FRAT1: variants seen among roughly 807,000 people sequenced by gnomAD.
FRAT1 encodes FRAT regulator of Wnt signaling pathway 1, also known as proto-oncogene FRAT1.
In FRAT1, 9 loss-of-function variants were observed where a neutral mutation model predicts 16.9. The observed-to-expected ratio is 0.53, with a 90% CI of 0.32 to 0.93. The LOEUF (loss-of-function observed/expected upper bound fraction) is 0.93, where lower values mean the gene tolerates loss of function less well. FRAT1 is among the 40% of genes least tolerant of loss of function. The pLI is 0.04. For missense variants in FRAT1, 354 were observed against 402.8 expected (o/e 0.88, Z 1.04); for synonymous variants, 191 against 202.1 (o/e 0.95, Z 0.46).
At position 97,320,392 on chromosome 10, in the gene FRAT1, T is replaced by G; in HGVS notation, c.*99T>G. On this transcript the variant is annotated 3_prime_UTR_variant, in exon 1 of 1. Transcript: ENST00000371021. ...CAGGCTGGTGGAGAACTCTGGCTTT[T>G]GGAAGCGAGAGTAAAAAGCTAATGA... The G allele has an allele frequency of 1.7e-6, 2 of 1,194,342 alleles. No homozygotes were observed. The highest frequency in any genetic ancestry group is 2.3e-6 in the Non-Finnish European group (2 of 878,794). 74.0% of individuals were successfully genotyped at this position (1,194,342 alleles called of 1,614,324 possible).
At position 97,320,903 on chromosome 10, in the gene FRAT1, CTCTCT is replaced by C. The variant is rs1328166626; in HGVS notation, c.*615_*619del. 1 of 166,248 alleles carries C rather than the reference CTCTCT, an allele frequency of 6.0e-6. No individual in the cohort carries two copies. The highest frequency in any genetic ancestry group is 1.5e-5 in the Non-Finnish European group (1 of 68,096). The allele number at this position is 166,248 out of a possible 1,614,324, so 10.3% of individuals were successfully genotyped here. On this transcript the variant is annotated 3_prime_UTR_variant, in exon 1 of 1. Transcript: ENST00000371021. The stretch of plus-strand genomic sequence containing the variant: ...ACCCCTGCGCTCTCTTTGCAACTGT[CTCTCT>C]TCTCAGAGTGGTGGGGGAAGGCTGT...
At position 97,319,610 on chromosome 10, in the gene FRAT1, C is replaced by CT; in HGVS notation, c.158dup (p.Asp54GlyfsTer97). On this transcript the variant is annotated frameshift_variant, in exon 1 of 1. Transcript: ENST00000371021. LOFTEE classifies it high-confidence loss of function. ...GGCCCAGATCGGCGAGACGCTGCAG[C>CT]TGGACGCGGCGCAGCACAGCCCGGC... 1 of 1,435,746 alleles carries CT rather than the reference C, an allele frequency of 7.0e-7. No homozygotes were observed. The highest frequency in any genetic ancestry group is 9.2e-7 in the Non-Finnish European group (1 of 1,092,866). The allele number at this position is 1,435,746 out of a possible 1,614,324, so 88.9% of individuals were successfully genotyped here.
rs11189129 is a variant in FRAT1 at position 97,321,360 on chromosome 10, G to A, written c.*1067G>A. On this transcript the variant is annotated 3_prime_UTR_variant, in exon 1 of 1. Coordinates refer to ENST00000371021, the MANE Select transcript of FRAT1 (RefSeq NM_005479.4). ...CAAGCGGGTGGCTCTGGGATCCTGG[G>A]GGCCTGGGTTGGGGGCTAGGGAGAC... The A allele has an allele frequency of 0.043, 7,229 of 167,472 alleles. 247 individuals are homozygous for A. The highest frequency in any genetic ancestry group is 0.063 in the Non-Finnish European group (4,304 of 68,366). The allele number at this position is 167,472 out of a possible 1,614,324, so 10.4% of individuals were successfully genotyped here. A position where few individuals can be genotyped will look rare whatever the true frequency, so the allele number is the denominator to read the frequency against.
In FRAT1 at chr10:97,319,559, A is replaced by G; in HGVS notation, c.106A>G (p.Ser36Gly). 6.8e-7 allele frequency: 1 copy of G among 1,468,186 alleles called. No individual in the cohort carries two copies. The highest frequency in any genetic ancestry group is 9.0e-7 in the Non-Finnish European group (1 of 1,111,592). The allele number at this position is 1,468,186 out of a possible 1,614,324, so 90.9% of individuals were successfully genotyped here. ...ACTGCAGCAGTCAGTGGCGCTGGGC[A>G]GCTCGGGCGAGGTGGACCGGCTGGT... ...LLLQQSVALG[S>G]SGEVDRLVAQ... The change falls in exon 1 of 1, where the codon AGC becomes GGC. Residue 36 changes from serine (S) to glycine (G), a missense_variant. Physicochemically the swap from Ser to Gly is moderately conservative, Grantham distance 56. Around this residue, in one of 3 missense-constraint regions of FRAT1, gnomAD observed 22 missense variants for 54.1 expected, o/e 0.41. Transcript: ENST00000371021.
rs538127991 is a variant in FRAT1, at chr10:97,321,295, C to T, written c.*1002C>T. ...TTCACGGAAACTCCCGAGACCGGGC[C>T]CTGGGTTCCTCCTCTCCTACTCGGC... On this transcript the variant is annotated 3_prime_UTR_variant, in exon 1 of 1. Transcript: ENST00000371021. 2.4e-5 allele frequency: 4 copies of T among 167,136 alleles called. No individual in the cohort carries two copies. The highest frequency in any genetic ancestry group is 9.6e-5 in the African/African-American group (4 of 41,554). 10.4% of individuals were successfully genotyped at this position (167,136 alleles called of 1,614,324 possible). A position where few individuals can be genotyped will look rare whatever the true frequency, so the allele number is the denominator to read the frequency against.
At position 97,320,228 on chromosome 10, in the gene FRAT1, G is replaced by A. The variant is rs773424074; in HGVS notation, c.775G>A (p.Asp259Asn). The change falls in exon 1 of 1, where the codon GAC becomes AAC. Residue 259 changes from aspartate (D) to asparagine (N), a missense_variant. By Grantham distance (23) the Asp-to-Asn change is conservative. Around this residue, in one of 3 missense-constraint regions of FRAT1, gnomAD observed 286 missense variants for 311.0 expected, o/e 0.92. Coordinates refer to ENST00000371021, the MANE Select transcript of FRAT1 (RefSeq NM_005479.4). ...TCGCAGCCCTCGCGCGGCCTGCAGT[G>A]ACCCTGGCGCCTCCGGGAGGGCGCA... ...SPRSPRAACS[D>N]PGASGRAQLR... 3.1e-6 allele frequency: 5 copies of A among 1,605,234 alleles called. No homozygotes were observed. In the African/African-American group the frequency reaches 5.4e-5, roughly 17 times the overall value.
chr10:97,319,959 G>C lies in FRAT1; in HGVS notation c.506G>C (p.Arg169Pro). 6.5e-7 allele frequency: 1 copy of C among 1,540,236 alleles called. No individual in the cohort carries two copies. ...GIPQPLSGPC[R>P]RGWLRGAAAS... Reference sequence around the variant, plus strand: ...CCGCAGCCGCTGTCGGGTCCGTGCCGGCGAGGATGGCTCCGGGGCGCCGCC... The same window carrying C: ...CCGCAGCCGCTGTCGGGTCCGTGCCCGCGAGGATGGCTCCGGGGCGCCGCC... Residue 169 changes from arginine (R) to proline (P), a missense_variant, in exon 1 of 1, where the codon CGG becomes CCG. Transcript: ENST00000371021.
rs1249106286 is a variant in FRAT1 at position 97,320,646 on chromosome 10, G to A, written c.*353G>A. The A allele has an allele frequency of 3.7e-6, 1 of 271,472 alleles. No homozygotes were observed. 16.8% of individuals were successfully genotyped at this position (271,472 alleles called of 1,614,324 possible). ...CCGCGACCATGTGGCCACAATCCAC[G>A]CTTCTCCGGATCGCGGTGCGCCGGA... On this transcript the variant is annotated 3_prime_UTR_variant, in exon 1 of 1. Coordinates refer to ENST00000371021, the MANE Select transcript of FRAT1 (RefSeq NM_005479.4).
Position 97,320,298 on chromosome 10 carries a change from C to G in FRAT1, c.*5C>G, listed in dbSNP as rs960976243. ...GTTCTTGTGCCTGGCAGCTAACACG[C>G]CCGGGGTGGCCACAGCGCCAGCCTC... is the stretch of plus-strand genomic sequence containing the variant. On this transcript the variant is annotated 3_prime_UTR_variant, in exon 1 of 1. Coordinates refer to ENST00000371021, the MANE Select transcript of FRAT1 (RefSeq NM_005479.4). The G allele has an allele frequency of 7.1e-6, 11 of 1,556,788 alleles. 1 individual carries two copies. The Admixed American group carries it at 2.1e-4, about 30-fold the overall frequency.
At position 97,320,012 on chromosome 10, in the gene FRAT1, G is replaced by T; in HGVS notation, c.559G>T (p.Gly187Trp). The change falls in exon 1 of 1, where the codon GGG becomes TGG. Residue 187 changes from glycine to tryptophan, a missense_variant. Gly to Trp is a radical substitution (Grantham distance 184). Transcript: ENST00000371021. Reference protein sequence around the residue: ...AASRRLQQRRGSQPETRTGDD... With the variant: ...AASRRLQQRRWSQPETRTGDD... Reference sequence around the variant, plus strand: ...CTCCCGCCGCCTGCAGCAGCGACGCGGGTCCCAACCAGAAACCCGCACAGG... The same window carrying T: ...CTCCCGCCGCCTGCAGCAGCGACGCTGGTCCCAACCAGAAACCCGCACAGG... 6.4e-7 allele frequency: 1 copy of T among 1,557,484 alleles called. No individual in the cohort carries two copies. Among genetic ancestry groups the T allele is most frequent in the Non-Finnish European group, 8.7e-7 (1 of 1,151,744 alleles).
At position 97,319,867 on chromosome 10, in the gene FRAT1, C is replaced by A; in HGVS notation, c.414C>A (p.Ser138Arg). ...TGGCCGAGCTCGCCACAGGCCCCAG[C>A]GCGCTGTCCCCACTGCCCCCTCAGG... ...YCVAELATGP[S>R]ALSPLPPQAD... Residue 138 changes from serine to arginine, a missense_variant, in exon 1 of 1, where the codon AGC (serine) becomes AGA (arginine). Ser to Arg is a moderately radical substitution (Grantham distance 110). Coordinates refer to ENST00000371021, the MANE Select transcript of FRAT1 (RefSeq NM_005479.4). The A allele has an allele frequency of 2.0e-6, 3 of 1,517,300 alleles. No individual in the cohort carries two copies. The highest frequency in any genetic ancestry group is 2.6e-6 in the Non-Finnish European group (3 of 1,140,404). The allele number at this position is 1,517,300 out of a possible 1,614,324, so 94.0% of individuals were successfully genotyped here.
In FRAT1 at chr10:97,319,524, G is replaced by C; in HGVS notation, c.71G>C (p.Ser24Thr). ...GAGGGGGAGGAAGAGGAGGAGGACA[G>C]CTTCCTCCTACTGCAGCAGTCAGTG... ...EAEGEEEEED[S>T]FLLLQQSVAL... is the part of the protein sequence containing the mutation. The change falls in exon 1 of 1, where the codon AGC becomes ACC. Residue 24 changes from serine to threonine, a missense_variant. By Grantham distance (58) the Ser-to-Thr change is moderately conservative (BLOSUM62 1). Transcript: ENST00000371021. The C allele has an allele frequency of 6.8e-7, 1 of 1,478,788 alleles. No homozygotes were observed. Among genetic ancestry groups the C allele is most frequent in the Non-Finnish European group, 8.9e-7 (1 of 1,117,966 alleles). The allele number at this position is 1,478,788 out of a possible 1,614,324, so 91.6% of individuals were successfully genotyped here.
rs1272622212 is a variant in FRAT1, at chr10:97,320,565, A to T, written c.*272A>T. The T allele has an allele frequency of 2.4e-6, 1 of 416,074 alleles. No homozygotes were observed. Among genetic ancestry groups the T allele is most frequent in the Admixed American group, 4.5e-5 (1 of 22,074 alleles). 25.8% of individuals were successfully genotyped at this position (416,074 alleles called of 1,614,324 possible). On this transcript the variant is annotated 3_prime_UTR_variant, in exon 1 of 1. Coordinates refer to ENST00000371021, the MANE Select transcript of FRAT1 (RefSeq NM_005479.4). ...TCAGTAGGACTCCTTATTTGGCGTG[A>T]CCCGACCTGGCCGCGGAGCCTGCAT...
Position 97,319,834 on chromosome 10 carries a change from C to G in FRAT1, c.381C>G (p.Pro127=). ...DRGRVRGRAA[P]YCVAELATGP... ...GCCGCGTGCGGGGCCGCGCTGCGCC[C>G]TACTGCGTGGCCGAGCTCGCCACAG... Residue 127 remains proline (P), a synonymous_variant, in exon 1 of 1, where the codon CCC becomes CCG. Transcript: ENST00000371021. 1.2e-5 allele frequency: 18 copies of G among 1,468,660 alleles called. No homozygotes were observed. The highest frequency in any genetic ancestry group is 1.6e-5 in the Non-Finnish European group (18 of 1,120,260). The allele number at this position is 1,468,660 out of a possible 1,614,324, so 91.0% of individuals were successfully genotyped here. A position where few individuals can be genotyped will look rare whatever the true frequency, so the allele number is the denominator to read the frequency against.
In FRAT1 at chr10:97,319,283, C is replaced by G. The variant is rs748239547; in HGVS notation, c.-171C>G. 1.2e-6 allele frequency: 1 copy of G among 842,814 alleles called. No individual in the cohort carries two copies. The highest frequency in any genetic ancestry group is 1.6e-6 in the Non-Finnish European group (1 of 635,968). The allele number at this position is 842,814 out of a possible 1,614,324, so 52.2% of individuals were successfully genotyped here. Reference sequence around the variant, plus strand: ...GCCGGCAGGATTCCGGCTCCCGCGGCTGCAGGCGCGCGGCTAGAGTGCCTG... The same window carrying G: ...GCCGGCAGGATTCCGGCTCCCGCGGGTGCAGGCGCGCGGCTAGAGTGCCTG... On this transcript the variant is annotated 5_prime_UTR_variant, in exon 1 of 1. Transcript: ENST00000371021.
chr10:97,319,311 G>C lies in FRAT1; in HGVS notation c.-143G>C, dbSNP rs1190481850. 3.6e-6 allele frequency: 4 copies of C among 1,125,072 alleles called. No individual in the cohort carries two copies. Among genetic ancestry groups the C allele is most frequent in the Admixed American group, 4.4e-5 (1 of 22,906 alleles). The allele number at this position is 1,125,072 out of a possible 1,614,324, so 69.7% of individuals were successfully genotyped here. ...CAGGCGCGCGGCTAGAGTGCCTGGCGGGCTCCGGCTTCCGCGTCCGCCCCG... is the reference window on the plus strand; with the variant it reads ...CAGGCGCGCGGCTAGAGTGCCTGGCCGGCTCCGGCTTCCGCGTCCGCCCCG... On this transcript the variant is annotated 5_prime_UTR_variant, in exon 1 of 1. Transcript: ENST00000371021.
rs1244597313 is a variant in FRAT1 at position 97,321,233 on chromosome 10, C to G, written c.*940C>G. On this transcript the variant is annotated 3_prime_UTR_variant, in exon 1 of 1. Transcript: ENST00000371021. ...GCGGACGTGCTGGGCGGCTGTGCTT[C>G]GGTAGGCGACCACCGCCCCTGGCCG... The G allele has an allele frequency of 6.1e-6, 1 of 164,950 alleles. No homozygotes were observed. Among genetic ancestry groups the G allele is most frequent in the South Asian group, 2.1e-4 (1 of 4,822 alleles). 10.2% of individuals were successfully genotyped at this position (164,950 alleles called of 1,614,324 possible).
chr10:97,320,640 A>C lies in FRAT1; in HGVS notation c.*347A>C. 7.2e-6 allele frequency: 2 copies of C among 277,772 alleles called. No homozygotes were observed. Among genetic ancestry groups the C allele is most frequent in the Non-Finnish European group, 1.4e-5 (2 of 140,536 alleles). The allele number at this position is 277,772 out of a possible 1,614,324, so 17.2% of individuals were successfully genotyped here. A position where few individuals can be genotyped will look rare whatever the true frequency, so the allele number is the denominator to read the frequency against. ...CCAGCCCCGCGACCATGTGGCCACA[A>C]TCCACGCTTCTCCGGATCGCGGTGC... On this transcript the variant is annotated 3_prime_UTR_variant, in exon 1 of 1. Transcript: ENST00000371021.
In FRAT1 at chr10:97,319,408, G is replaced by T. The variant is rs1490245271; in HGVS notation, c.-46G>T. The T allele has an allele frequency of 2.3e-6, 3 of 1,295,214 alleles. No individual in the cohort carries two copies. The highest frequency in any genetic ancestry group is 3.2e-5 in the East Asian group (1 of 31,542). The allele number at this position is 1,295,214 out of a possible 1,614,324, so 80.2% of individuals were successfully genotyped here. A position where few individuals can be genotyped will look rare whatever the true frequency, so the allele number is the denominator to read the frequency against. ...GCCCACCGCGCCCGCCGGCAGCCGA[G>T]CCCCCAGCGACGCCCGCACAGCTCC... On this transcript the variant is annotated 5_prime_UTR_variant, in exon 1 of 1. Transcript: ENST00000371021.
Sources: allele counts gnomAD v4.1 joint callset, GRCh38; gene constraint gnomAD v4.1.1; regional missense constraint gnomAD v4.1.1; transcripts MANE v1.5; gene names NCBI Gene and HGNC (gene_info 2026-07-23, HGNC 2026-07-21).